Variants in GABBR2 observed in about 807,000 individuals in gnomAD.
GABBR2 encodes the protein gamma-aminobutyric acid type B receptor subunit 2, also known as G-protein coupled receptor 51.
GABBR2 carries 23 observed loss-of-function variants against 105.6 expected under a neutral mutation model. That is an observed-to-expected ratio of 0.22 (90% confidence interval 0.16 to 0.31). GABBR2 has a LOEUF of 0.31. Among genes scored for constraint, GABBR2 ranks in the 10% least tolerant of loss-of-function variants. The pLI is 1.00. For missense variants in GABBR2, 734 were observed against 1,245.5 expected, an observed-to-expected ratio of 0.59 and a Z score of 6.18; for synonymous variants, 478 against 499.7, an observed-to-expected ratio of 0.96 and a Z score of 0.58.
At chr9:98,685,396 T>C (rs1830607741) in intron 1 of GABBR2, among the ~76,000 whole-genome samples, 1 of 152,236 alleles carries the variant, frequency 6.6e-6, no homozygotes, top group Non-Finnish European at 1.5e-5. Flanking sequence ...CTTGTGATCA[T>C]GTGAGTCAAT....
At chr9:98,383,876 T>C (rs765650479) in intron 11 of GABBR2, among the ~76,000 whole-genome samples, 1 of 152,034 alleles carries the variant, frequency 6.6e-6, no homozygotes, top group African/African-American at 2.4e-5. Flanking sequence ...AAATCTGGGG[T>C]GTGAGTGGGG....
chr9:98,708,434 G>T lies in GABBR2; in HGVS notation c.304C>A (p.Arg102=), dbSNP rs763374888. 2.6e-6 allele frequency: 4 copies of T among 1,528,922 alleles called. No homozygotes were observed. Among genetic ancestry groups the T allele is most frequent in the East Asian group, 2.4e-5 (1 of 41,068 alleles). 94.7% of individuals were successfully genotyped at this position (1,528,922 alleles called of 1,614,324 possible). ...ACACTCACCTCCGTGTCATAGAGCC[G>T]CAGGTCGAGGAAGTAGGGGCGCAGG... The part of the protein sequence containing the change: ...SLLRPYFLDL[R]LYDTECDNAK... Residue 102 remains arginine, a synonymous_variant, in exon 1 of 19, where the codon CGG becomes AGG. Transcript: ENST00000259455.
At chr9:98,352,812 G>C (rs991880498) in intron 13 of GABBR2, among the ~76,000 whole-genome samples, 1 of 152,112 alleles carries the variant, frequency 6.6e-6, no homozygotes, top group African/African-American at 2.4e-5. Context: ...GTGTGGGCTA[G>C]AGTCCTGGGG....
At chr9:98,662,420 G>C (rs72760679) in intron 1 of GABBR2, among the ~76,000 whole-genome samples, 1 of 152,134 alleles carries the variant, frequency 6.6e-6, no homozygotes, top group African/African-American at 2.4e-5. Flanking sequence ...AAGATGAAGA[G>C]AGGCTGAGAA....
At chr9:98,476,805 A>T (rs1467508840) in intron 5 of GABBR2, among the ~76,000 whole-genome samples, 15 of 152,018 alleles carry the variant, frequency 9.9e-5, no homozygotes, top group Admixed American at 9.8e-4. Flanking sequence ...CACTATCATC[A>T]AGTTCCTCTG....
chr9:98,533,583 G>T (rs1398836609), intron 3 of GABBR2, among the ~76,000 whole-genome samples: 1 of 152,226 alleles, frequency 6.6e-6, no homozygotes, highest in African/African-American at 2.4e-5. Flanking sequence ...CATGCAGGGT[G>T]AGGGGACACA....
rs80262561 is a variant in GABBR2, at chr9:98,361,680, G to A, written c.1893+1035C>T. On this transcript the variant is annotated intron_variant, in intron 13 of 18. Coordinates refer to ENST00000259455, the MANE Select transcript of GABBR2 (RefSeq NM_005458.8). ...TTGGCCCGTGGGCAGAGCCAGTGTC[G>A]GGTCTTTCCTCCTTACCAGTTCTGG... 7.8e-3 allele frequency among the ~76,000 whole-genome samples: 1,184 copies of A among 152,216 alleles called. 17 individuals carry two copies. The highest frequency in any genetic ancestry group is 0.027 in the African/African-American group (1,101 of 41,512).
At chr9:98,612,437 A>C (rs1218555864) in intron 1 of GABBR2, among the ~76,000 whole-genome samples, 1 of 152,230 alleles carries the variant, frequency 6.6e-6, no homozygotes, top group Admixed American at 6.5e-5. Flanking sequence ...GGATTCAAGC[A>C]CTAGAGGGCC....
At chr9:98,447,782 T>C (rs1221635267) in intron 7 of GABBR2, among the ~76,000 whole-genome samples, 1 of 151,510 alleles carries the variant, frequency 6.6e-6, no homozygotes, top group Non-Finnish European at 1.5e-5. Flanking sequence ...AACTCTATGA[T>C]GTCCTCCTTT....
intron 1 of GABBR2, among the ~76,000 whole-genome samples, chr9:98,692,260 C>G (rs983430465): frequency 5.3e-5 from 8 of 152,136 alleles, no homozygotes; most frequent in African/African-American, 1.7e-4. Flanking sequence ...GGCAGGTGCT[C>G]CAAGCTTGCT....
intron 7 of GABBR2, among the ~76,000 whole-genome samples, chr9:98,410,802 A>G (rs553386641): frequency 6.6e-5 from 10 of 152,230 alleles, no homozygotes; most frequent in African/African-American, 2.2e-4. Flanking sequence ...ATCAATCAAC[A>G]TCCAGTCAAG....
chr9:98,434,491 C>T (rs752635489), intron 7 of GABBR2, among the ~76,000 whole-genome samples: 1 of 152,264 alleles, frequency 6.6e-6, no homozygotes, highest in Non-Finnish European at 1.5e-5. Context: ...TGATTTGTAG[C>T]GTTTACCCAT....
intron 7 of GABBR2, among the ~76,000 whole-genome samples, chr9:98,449,758 G>C (rs1826200359): frequency 6.6e-6 from 1 of 152,162 alleles, no homozygotes; most frequent in Non-Finnish European, 1.5e-5. Context: ...TGAGTTTCCT[G>C]GTTGCATAAT....
chr9:98,359,214 G>A (rs1831539465), intron 13 of GABBR2, among the ~76,000 whole-genome samples: 1 of 151,998 alleles, frequency 6.6e-6, no homozygotes, highest in Admixed American at 6.6e-5. Context: ...GATCAATTGA[G>A]GCCAGGAGTT....
At chr9:98,393,080 A>C (rs1832217563) in intron 9 of GABBR2, among the ~76,000 whole-genome samples, 1 of 142,288 alleles carries the variant, frequency 7.0e-6, no homozygotes, top group Admixed American at 7.0e-5. Context: ...CCACACACCC[A>C]CTCATCCACC....
At chr9:98,671,120 T>C (rs1408908578) in intron 1 of GABBR2, among the ~76,000 whole-genome samples, 1 of 151,956 alleles carries the variant, frequency 6.6e-6, no homozygotes, top group African/African-American at 2.4e-5. Flanking sequence ...AGGAAAATAA[T>C]CCCATACCTT....
intron 1 of GABBR2, among the ~76,000 whole-genome samples, chr9:98,624,520 G>A (rs1469217945): frequency 3.9e-5 from 6 of 152,328 alleles, no homozygotes; most frequent in South Asian, 4.1e-4. Flanking sequence ...AAAGGTGGGC[G>A]GGTGGTTGTA....
intron 1 of GABBR2, among the ~76,000 whole-genome samples, chr9:98,613,775 T>C (rs1036675114): frequency 1.3e-5 from 2 of 152,328 alleles, no homozygotes; most frequent in East Asian, 3.9e-4. Context: ...TTGACCATCC[T>C]TGGCACTCAC....
At chr9:98,436,276 C>A (rs1476898413) in intron 7 of GABBR2, among the ~76,000 whole-genome samples, 3 of 43,106 alleles carry the variant, frequency 7.0e-5, no homozygotes, top group Non-Finnish European at 1.3e-4. Flanking sequence ...TAAACAACAA[C>A]AACCATATAT....
Sources: allele counts gnomAD v4.1 joint callset (sites outside exome capture counted in the v4.1 genomes callset), GRCh38; gene constraint gnomAD v4.1.1; transcripts MANE v1.5; gene names NCBI Gene and HGNC (gene_info 2026-07-23, HGNC 2026-07-21).